The following ATP2B2 variants were observed in gnomAD, a reference collection of about 807,000 sequenced individuals.
ATP2B2 encodes plasma membrane calcium-transporting ATPase 2.
A neutral mutation model predicts 120.0 loss-of-function variants in ATP2B2; 15 were observed. That is an observed-to-expected ratio of 0.12 (90% CI 0.08 to 0.19). The LOEUF is 0.19. Ranked by LOEUF, ATP2B2 falls within the 10% of genes least tolerant of loss-of-function variation. The pLI is 1.00. For synonymous variants in ATP2B2, 694 were observed against 700.3 expected (o/e 0.99, Z 0.14); for missense variants, 1,045 against 1,719.8 (o/e 0.61, Z 6.94).
At chr3:10,653,847 C>T (rs1315247856) in intron 1 of ATP2B2, among the ~76,000 whole-genome samples, 3 of 152,132 alleles carry the variant, frequency 2.0e-5, no homozygotes, top group East Asian at 1.9e-4. Flanking sequence ...CACTTTTTCT[C>T]GTGTTCTATA....
chr3:10,372,710 T>C (rs1432322522), intron 11 of ATP2B2, among the ~76,000 whole-genome samples: 1 of 152,198 alleles, frequency 6.6e-6, no homozygotes, highest in Non-Finnish European at 1.5e-5. Context: ...CAGAACTAGG[T>C]ACATCTTGTA....
At chr3:10,392,850 T>C (rs751674324) in intron 5 of ATP2B2, among the ~76,000 whole-genome samples, 14 of 152,232 alleles carry the variant, frequency 9.2e-5, no homozygotes, top group African/African-American at 2.9e-4. Context: ...TTAGGCCCCA[T>C]ATCTCAGCAA....
At chr3:10,533,612 G>C (rs2125479627) in intron 3 of ATP2B2, among the ~76,000 whole-genome samples, 1 of 152,340 alleles carries the variant, frequency 6.6e-6, no homozygotes, top group African/African-American at 2.4e-5. Context: ...CGCTTCATGT[G>C]CAGGCTGGGG....
In ATP2B2 at chr3:10,575,405, C is replaced by T. The variant is rs183973094; in HGVS notation, c.-414-41272G>A. 1.4e-4 allele frequency among the ~76,000 whole-genome samples: 21 copies of T among 152,260 alleles called. No homozygotes were observed. The East Asian group carries it at 3.5e-3, about 25-fold the overall frequency. ...GAGAAGAGGTCATTGGGAAAATGAC[C>T]TCCTAGAGTTCTAGGGAGGATTCAA... On this transcript the variant is annotated intron_variant, in intron 2 of 21. Coordinates refer to the ATP2B2 transcript ENST00000646379.
intron 8 of ATP2B2, among the ~76,000 whole-genome samples, chr3:10,383,983 T>A (rs560555119): frequency 9.2e-5 from 14 of 152,280 alleles, no homozygotes; most frequent in African/African-American, 3.4e-4. Context: ...ACATGGGTTC[T>A]CCTTGTCACC....
chr3:10,607,732 C>T (rs1272764046), intron 2 of ATP2B2, among the ~76,000 whole-genome samples: 2 of 152,216 alleles, frequency 1.3e-5, no homozygotes, highest in East Asian at 3.9e-4. Flanking sequence ...GCTGTAGGTG[C>T]AGGGTGAGAT....
At chr3:10,410,971 T>A (rs374483396) in intron 2 of ATP2B2, among the ~76,000 whole-genome samples, 156 bp from the exon 3 acceptor site, 1 of 152,256 alleles carries the variant, frequency 6.6e-6, no homozygotes, top group East Asian at 1.9e-4. Flanking sequence ...CCTAAGTTGG[T>A]TCCTGCCAAA....
At chr3:10,374,423 A>G (rs1559246540) in intron 11 of ATP2B2, among the ~76,000 whole-genome samples, 1 of 152,238 alleles carries the variant, frequency 6.6e-6, no homozygotes, top group African/African-American at 2.4e-5. Flanking sequence ...TCTGTATGAA[A>G]TTACATCGGA....
intron 14 of ATP2B2, 63 bp downstream of exon 14, chr3:10,358,628 A>T: frequency 6.6e-7 from 1 of 1,520,018 alleles, no homozygotes; most frequent in Non-Finnish European, 9.1e-7. Context: ...ACTCCAGGTC[A>T]CCCTGGTGGC....
intron 5 of ATP2B2, among the ~76,000 whole-genome samples, chr3:10,399,154 A>T (rs2062138532): frequency 6.6e-6 from 1 of 152,074 alleles, no homozygotes; most frequent in African/African-American, 2.4e-5. Flanking sequence ...GCTTCCACAT[A>T]TCCAGAGGAC....
At chr3:10,560,202 T>C (rs1402481487) in intron 2 of ATP2B2, among the ~76,000 whole-genome samples, 4 of 152,188 alleles carry the variant, frequency 2.6e-5, no homozygotes, top group Non-Finnish European at 5.9e-5. Context: ...GTGTAGTAGC[T>C]GTCTTTTATA....
intron 12 of ATP2B2, among the ~76,000 whole-genome samples, chr3:10,366,075 T>C (rs962280940): frequency 6.6e-6 from 1 of 152,150 alleles, no homozygotes; most frequent in Non-Finnish European, 1.5e-5. Context: ...AGTGCCCTGC[T>C]AAGTCCCTTC....
In ATP2B2 at chr3:10,539,040, A is replaced by G. The variant is rs534410941; in HGVS notation, c.-414-4907T>C. ...AACTTCAGCAAAGTCTCAGGATACA[A>G]AATCAATGTGCAAAAATCACAAGCA... On this transcript the variant is annotated intron_variant, in intron 2 of 21. Transcript: ENST00000646379. 2.6e-3 allele frequency among the ~76,000 whole-genome samples: 398 copies of G among 152,354 alleles called. 1 individual carries two copies. Among genetic ancestry groups the G allele is most frequent in the African/African-American group, 9.0e-3 (375 of 41,576 alleles).
intron 1 of ATP2B2, among the ~76,000 whole-genome samples, chr3:10,474,654 T>G (rs932542179): frequency 2.6e-5 from 4 of 152,228 alleles, no homozygotes; most frequent in African/African-American, 9.6e-5. Context: ...CAGGCTCATA[T>G]CCTTCCACCC....
At chr3:10,339,152 T>C (rs962727487) in intron 21 of ATP2B2, among the ~76,000 whole-genome samples, 1 of 152,164 alleles carries the variant, frequency 6.6e-6, no homozygotes, top group African/African-American at 2.4e-5. Flanking sequence ...GTCCTCTGAA[T>C]CCTTCCCTCA....
chr3:10,583,660 C>T (rs2068442406), intron 2 of ATP2B2, among the ~76,000 whole-genome samples: 1 of 152,168 alleles, frequency 6.6e-6, no homozygotes, highest in Non-Finnish European at 1.5e-5. Context: ...TCCATTTAAT[C>T]CCTGCTGTGA....
rs376646987 is a variant in ATP2B2, at chr3:10,340,586, G to A, written c.3036C>T (p.Asn1012=). 48 of 1,614,140 alleles carry A rather than the reference G, an allele frequency of 3.0e-5. No individual in the cohort carries two copies. The highest frequency in any genetic ancestry group is 1.6e-4 in the Middle Eastern group (1 of 6,084). Residue 1012 remains asparagine (N), a synonymous_variant, in exon 20 of 23, where the codon AAC becomes AAT. Transcript: ENST00000360273. This position sits in a 1 kb window ranked among gnomAD's most constrained non-coding sequence, Gnocchi z 5.0. ...TGCGCTCGCCGTGGATCTTGCGGGC[G>A]TTGATCTCGTTGAAGAGCTGCATCA... ...FVMMQLFNEI[N]ARKIHGERNV...
At chr3:10,634,188 G>A (rs576479809) in intron 1 of ATP2B2, among the ~76,000 whole-genome samples, 1 of 152,310 alleles carries the variant, frequency 6.6e-6, no homozygotes, top group East Asian at 1.9e-4. Flanking sequence ...CCACTACCAG[G>A]TGCTTATTAC....
At chr3:10,404,663 G>C (rs536337103) in intron 3 of ATP2B2, among the ~76,000 whole-genome samples, 3 of 152,202 alleles carry the variant, frequency 2.0e-5, no homozygotes, top group Non-Finnish European at 4.4e-5. Flanking sequence ...TACAGAAGGA[G>C]CTCCTGCTGG....
Sources: gnomAD v4.1 joint callset for allele counts (sites outside exome capture counted in the v4.1 genomes callset) on GRCh38, gnomAD v4.1.1 for gene constraint, Gnocchi (gnomAD v3.1) non-coding constraint, MANE v1.5 for transcripts, NCBI Gene and HGNC (gene_info 2026-07-23, HGNC 2026-07-21) for gene names.